MSANTD1: variants seen among roughly 807,000 people sequenced by gnomAD.
The protein encoded by MSANTD1 is myb/SANT-like DNA-binding domain-containing protein 1.
MSANTD1 carries 7 observed loss-of-function variants against 24.2 expected under a neutral mutation model. That is an observed-to-expected ratio of 0.29 (90% CI 0.16 to 0.54). The LOEUF (loss-of-function observed/expected upper bound fraction) is 0.54. Ranked by LOEUF, MSANTD1 falls within the 20% of genes least tolerant of loss-of-function variation. MSANTD1 has a pLI of 0.94. For synonymous variants in MSANTD1, 177 were observed against 181.1 expected (o/e 0.98, Z 0.18); for missense variants, 384 against 408.2 (o/e 0.94, Z 0.51).
Position 3,249,287 on chromosome 4 carries a change from G to A in MSANTD1, c.65G>A (p.Gly22Asp), listed in dbSNP as rs1410377077. The A allele has an allele frequency of 3.9e-6, 6 of 1,525,002 alleles. No homozygotes were observed. In the Admixed American group the frequency reaches 1.0e-4, roughly 26 times the overall value. The allele number at this position is 1,525,002 out of a possible 1,614,324, so 94.5% of individuals were successfully genotyped here. A position where few individuals can be genotyped will look rare whatever the true frequency, so the allele number is the denominator to read the frequency against. The stretch of plus-strand genomic sequence containing the variant: ...CTCTCTCACCCCACAGGCGCCTCCG[G>A]CATGGCGGCGGCCGAGGGGCCCGGC... ...SALSHPTGAS[G>D]MAAAEGPGYL... Residue 22 changes from glycine (G) to aspartate (D), a missense_variant, in exon 1 of 3, where the codon GGC becomes GAC. By Grantham distance (94) the Gly-to-Asp change is moderately conservative (BLOSUM62 -1). Transcript: ENST00000438480.
chr4:3,249,633 C>T (rs987503635), intron 1 of MSANTD1, 91 bp downstream of exon 1: 56 of 1,293,524 alleles, frequency 4.3e-5, no homozygotes, highest in Non-Finnish European at 4.0e-5. Context: ...TGAGTCGGGA[C>T]GATGTGTGGG....
Position 3,256,186 on chromosome 4 carries a change from G to A in MSANTD1, c.*221G>A, listed in dbSNP as rs559743665. The A allele has an allele frequency of 4.2e-5, 21 of 500,948 alleles. No individual in the cohort carries two copies. The highest frequency in any genetic ancestry group is 5.3e-4 in the Middle Eastern group (1 of 1,872). 31.0% of individuals were successfully genotyped at this position (500,948 alleles called of 1,614,324 possible). ...GTCTCCAGCATGAATGCCCTTCCTC[G>A]GACACAGGCCAGGGCCTCTGGGGTT... On this transcript the variant is annotated 3_prime_UTR_variant, in exon 3 of 3. Coordinates refer to ENST00000438480, the MANE Select transcript of MSANTD1 (RefSeq NM_001042690.2).
chr4:3,255,239 T>C (rs113928590), intron 2 of MSANTD1, among the ~76,000 whole-genome samples: 2,618 of 151,826 alleles, frequency 0.017, 30 homozygotes, highest in Non-Finnish European at 0.029. Flanking sequence ...TTTTCTTTTT[T>C]TTTTTTTTTG....
upstream of MSANTD1, chr4:3,246,702 TG>T (rs1340771561): frequency 1.4e-6 from 1 of 691,702 alleles, no homozygotes; most frequent in South Asian, 1.5e-5. Context: ...GGGACAGATG[TG>T]GGGACCCTCC....
At chr4:3,255,233 C>CT (rs555315961) in intron 2 of MSANTD1, among the ~76,000 whole-genome samples, 3,816 of 143,760 alleles carry the variant, frequency 0.027, 140 homozygotes, top group African/African-American at 0.079. Context: ...CTTTCTTTTT[C>CT]TTTTTTTTTT....
chr4:3,248,715 C>T (rs1475919388), upstream of MSANTD1: 2 of 153,322 alleles, frequency 1.3e-5, no homozygotes, highest in Admixed American at 6.5e-5. Context: ...GCCCCAGGGC[C>T]CAGCCCCAGT....
Position 3,249,314 on chromosome 4 carries a change from A to C in MSANTD1, c.92A>C (p.Tyr31Ser), listed in dbSNP as rs776559685. 3.2e-6 allele frequency: 5 copies of C among 1,542,398 alleles called. No homozygotes were observed. The highest frequency in any genetic ancestry group is 4.4e-6 in the Non-Finnish European group (5 of 1,140,382). ...ATGGCGGCGGCCGAGGGGCCCGGCTACCTCGTGTCTCCCCAGGCGGAGAAG... is the reference window on the plus strand; with the variant it reads ...ATGGCGGCGGCCGAGGGGCCCGGCTCCCTCGTGTCTCCCCAGGCGGAGAAG... ...SGMAAAEGPGYLVSPQAEKHR... is the reference protein window; with the variant it reads ...SGMAAAEGPGSLVSPQAEKHR... Residue 31 changes from tyrosine to serine, a missense_variant, in exon 1 of 3, where the codon TAC (tyrosine) becomes TCC (serine). Physicochemically the swap from Tyr to Ser is moderately radical, Grantham distance 144. Coordinates refer to ENST00000438480, the MANE Select transcript of MSANTD1 (RefSeq NM_001042690.2).
rs577904199 is a variant in MSANTD1 at position 3,252,975 on chromosome 4, C to T, written c.321-232C>T. ...ACAGATAACCTTAGTAATACTGGGACGTGTGCTTCCTTTTTAACATCTGAG... is the reference window on the plus strand; with the variant it reads ...ACAGATAACCTTAGTAATACTGGGATGTGTGCTTCCTTTTTAACATCTGAG... On this transcript the variant is annotated intron_variant, in intron 1 of 2. Coordinates refer to ENST00000438480, the MANE Select transcript of MSANTD1 (RefSeq NM_001042690.2). Among the ~76,000 whole-genome samples the T allele has an allele frequency of 9.8e-5, 15 of 152,328 alleles. No individual in the cohort carries two copies. In the East Asian group the frequency reaches 1.7e-3, roughly 18 times the overall value.
chr4:3,248,046 A>C (rs1722085692), upstream of MSANTD1: 1 of 152,366 alleles, frequency 6.6e-6, no homozygotes, highest in South Asian at 2.1e-4. Flanking sequence ...TGCTGACCAC[A>C]GTGGCATTTA....
Position 3,256,256 on chromosome 4 carries a change from C to T in MSANTD1, c.*291C>T. Reference sequence around the variant, plus strand: ...CTAGAGCCACTCTCCAGTGTCGTTACTATCAATGATACTTGACGTGGCTTT... The same window carrying T: ...CTAGAGCCACTCTCCAGTGTCGTTATTATCAATGATACTTGACGTGGCTTT... On this transcript the variant is annotated 3_prime_UTR_variant, in exon 3 of 3. Transcript: ENST00000438480. 1 of 300,916 alleles carries T rather than the reference C, an allele frequency of 3.3e-6. No individual in the cohort carries two copies. Among genetic ancestry groups the T allele is most frequent in the Non-Finnish European group, 6.1e-6 (1 of 163,762 alleles). The allele number at this position is 300,916 out of a possible 1,614,324, so 18.6% of individuals were successfully genotyped here.
At chr4:3,251,883 G>A (rs753656747) in intron 1 of MSANTD1, among the ~76,000 whole-genome samples, 5 of 152,104 alleles carry the variant, frequency 3.3e-5, no homozygotes, top group Non-Finnish European at 5.9e-5. Context: ...AGAAGCCTGG[G>A]GCAGAGGTTA....
At chr4:3,246,100 G>A (rs544822407), upstream of MSANTD1, among the ~76,000 whole-genome samples, 1 of 152,230 alleles carries the variant, frequency 6.6e-6, no homozygotes, top group Non-Finnish European at 1.5e-5. Flanking sequence ...CCCCAGCGGC[G>A]GCAGTGTTGG....
chr4:3,249,248 C>T lies in MSANTD1; in HGVS notation c.26C>T (p.Pro9Leu). The T allele has an allele frequency of 4.8e-6, 7 of 1,452,558 alleles. No individual in the cohort carries two copies. Among genetic ancestry groups the T allele is most frequent in the South Asian group, 1.4e-5 (1 of 70,266 alleles). 90.0% of individuals were successfully genotyped at this position (1,452,558 alleles called of 1,614,324 possible). Reference protein sequence around the residue: MVRGAGPGPSLSALSHPTG... With the variant: MVRGAGPGLSLSALSHPTG... ...ATGGTGCGTGGGGCCGGGCCGGGGC[C>T]CTCGCTGAGCGCGCTCTCTCACCCC... The change falls in exon 1 of 3, where the codon CCC (proline) becomes CTC (leucine). Residue 9 changes from proline (P) to leucine (L), a missense_variant. Transcript: ENST00000438480.
chr4:3,253,243 G>T lies in MSANTD1; in HGVS notation c.357G>T (p.Pro119=). The change falls in exon 2 of 3, where the codon CCG becomes CCT. Residue 119 remains proline (P), a synonymous_variant. Transcript: ENST00000438480. ...LKCMTDSESA[P]PDWPYYLAID... is the part of the protein sequence containing the mutation. Reference sequence around the variant, plus strand: ...GCATGACAGATAGCGAGTCCGCCCCGCCCGACTGGCCCTATTACCTAGCCA... The same window carrying T: ...GCATGACAGATAGCGAGTCCGCCCCTCCCGACTGGCCCTATTACCTAGCCA... 3 of 1,583,154 alleles carry T rather than the reference G, an allele frequency of 1.9e-6. No individual in the cohort carries two copies. Among genetic ancestry groups the T allele is most frequent in the Non-Finnish European group, 2.6e-6 (3 of 1,160,386 alleles).
At chr4:3,254,332 A>C (rs768020492) in intron 2 of MSANTD1, among the ~76,000 whole-genome samples, 2 of 151,986 alleles carry the variant, frequency 1.3e-5, no homozygotes, top group African/African-American at 4.8e-5. Context: ...CCGCTGCTTG[A>C]CTCAGGATTT....
At chr4:3,247,554 C>G (rs535777473), upstream of MSANTD1, 202 of 152,392 alleles carry the variant, frequency 1.3e-3, 1 homozygote, top group Admixed American at 2.7e-3. Context: ...TGCCAGCCCC[C>G]AGCACGGAGG....
intron 1 of MSANTD1, 127 bp downstream of exon 1, chr4:3,249,669 T>TGCCCATACCC: frequency 1.1e-6 from 1 of 912,626 alleles, no homozygotes; most frequent in Middle Eastern, 2.5e-4. Flanking sequence ...CGGTCTCCTC[T>TGCCCATACCC]GGCCGGGTAT....
rs140887838 is a variant in MSANTD1 at position 3,249,378 on chromosome 4, C to A, written c.156C>A (p.Arg52=). The A allele has an allele frequency of 3.2e-6, 5 of 1,578,546 alleles. No individual in the cohort carries two copies. The highest frequency in any genetic ancestry group is 4.3e-6 in the Non-Finnish European group (5 of 1,163,166). The change falls in exon 1 of 3, where the codon CGC becomes CGA. Residue 52 remains arginine, a synonymous_variant. Transcript: ENST00000438480. ...RARNWTDAEM[R]GLMLVWEEFF... Reference sequence around the variant, plus strand: ...GCAACTGGACGGACGCCGAGATGCGCGGCCTCATGCTGGTCTGGGAGGAGT... The same window carrying A: ...GCAACTGGACGGACGCCGAGATGCGAGGCCTCATGCTGGTCTGGGAGGAGT...
chr4:3,253,615 TC>T, intron 2 of MSANTD1, 133 bp downstream of exon 2: 2 of 951,714 alleles, frequency 2.1e-6, no homozygotes, highest in Non-Finnish European at 2.9e-6. Context: ...GGGCAGCGCC[TC>T]CAGGGACAGG....
Sources: allele counts gnomAD v4.1 joint callset (sites outside exome capture counted in the v4.1 genomes callset), GRCh38; gene constraint gnomAD v4.1.1; transcripts MANE v1.5; gene names NCBI Gene and HGNC (gene_info 2026-07-23, HGNC 2026-07-21).